GSE1: variants seen among roughly 807,000 people sequenced by gnomAD.
GSE1 encodes Gse1 coiled-coil protein.
GSE1 carries 32 observed loss-of-function variants against 112.6 expected under a neutral mutation model. That is an observed-to-expected ratio of 0.28 (90% CI 0.21 to 0.38). The LOEUF (loss-of-function observed/expected upper bound fraction) is 0.38. Among genes scored for constraint, GSE1 ranks in the 10% least tolerant of loss-of-function variants. The pLI is 1.00. For synonymous variants in GSE1, 1,115 were observed against 735.6 expected, an observed-to-expected ratio of 1.52 and a Z score of -8.35; for missense variants, 2,348 against 1,699.2, an observed-to-expected ratio of 1.38 and a Z score of -6.71.
upstream of GSE1, among the ~76,000 whole-genome samples, chr16:85,609,177 G>A (rs1217693941): frequency 1.3e-5 from 2 of 152,216 alleles, no homozygotes. Context: ...TTTCCTTGCT[G>A]CCTTGAAGTG....
chr16:85,633,800 G>T (rs557891969), intron 1 of GSE1, 114 bp from the exon 2 acceptor site: 1 of 732,468 alleles, frequency 1.4e-6, no homozygotes, highest in South Asian at 1.7e-5. Context: ...TGGAGCCCCC[G>T]GGGCTGCCCC....
chr16:85,667,971 G>GGTCTGTGT (rs1308487796), intron 13 of GSE1, among the ~76,000 whole-genome samples, 169 bp from the exon 14 acceptor site: 1 of 152,182 alleles, frequency 6.6e-6, no homozygotes, highest in African/African-American at 2.4e-5. Flanking sequence ...TTCTCAAGTG[G>GGTCTGTGT]CCCAGAGGCC....
chr16:85,382,098 C>CA (rs1482053485), intron 2 of GSE1, among the ~76,000 whole-genome samples: 1 of 152,214 alleles, frequency 6.6e-6, no homozygotes, highest in African/African-American at 2.4e-5. Context: ...CCGCTGTGAT[C>CA]AATCTTGCGG....
intron 2 of GSE1, among the ~76,000 whole-genome samples, chr16:85,446,746 C>T (rs555602755): frequency 2.4e-4 from 37 of 152,242 alleles, no homozygotes; most frequent in Non-Finnish European, 4.1e-4. Context: ...ATGGTGGAGG[C>T]GGTAGCCTGC....
At position 85,661,360 on chromosome 16, in the gene GSE1, G is replaced by T. The variant is rs775724048; in HGVS notation, c.1855G>T (p.Ala619Ser). Residue 619 changes from alanine (A) to serine (S), a missense_variant, in exon 9 of 16, where the codon GCC becomes TCC. Physicochemically the swap from Ala to Ser is moderately conservative, Grantham distance 99 (BLOSUM62 1). Coordinates refer to ENST00000253458, the MANE Select transcript of GSE1 (RefSeq NM_014615.5). ...PAAFEPSRQA[A>S]VPLVKVERVF... ...TGCATTTGAGCCCAGCCGCCAGGCA[G>T]CCGTGCCGCTGGTGAAGGTGGAGCG... 60 of 1,612,172 alleles carry T rather than the reference G, an allele frequency of 3.7e-5. No homozygotes were observed. Among genetic ancestry groups the T allele is most frequent in the South Asian group, 8.8e-5 (8 of 91,026 alleles).
intron 1 of GSE1, among the ~76,000 whole-genome samples, chr16:85,246,684 C>T (rs949719462): frequency 3.9e-5 from 6 of 152,018 alleles, no homozygotes; most frequent in Non-Finnish European, 7.4e-5. Flanking sequence ...CCCACTCCCA[C>T]CCTCGGAGGC....
At chr16:85,442,734 C>G (rs1219961834) in intron 2 of GSE1, among the ~76,000 whole-genome samples, 1 of 152,244 alleles carries the variant, frequency 6.6e-6, no homozygotes, top group Non-Finnish European at 1.5e-5. Flanking sequence ...TTGACAGCAG[C>G]TGCCCCCTTA....
At chr16:85,240,387 G>A (rs1347157238) in intron 1 of GSE1, among the ~76,000 whole-genome samples, 2 of 152,198 alleles carry the variant, frequency 1.3e-5, no homozygotes, top group Non-Finnish European at 2.9e-5. Flanking sequence ...GGGTAGACCA[G>A]ACCCCCACCA....
chr16:85,624,188 G>T (rs969849414), intron 1 of GSE1, among the ~76,000 whole-genome samples: 42 of 152,166 alleles, frequency 2.8e-4, no homozygotes, highest in African/African-American at 9.9e-4. Context: ...GCCCTGGGGT[G>T]GGGGAGCCAG....
intron 2 of GSE1, among the ~76,000 whole-genome samples, chr16:85,525,257 C>A (rs1004415208): frequency 1.3e-5 from 2 of 152,072 alleles, no homozygotes; most frequent in African/African-American, 2.4e-5. Context: ...TTGTCCCCCC[C>A]CCACTGATGG....
chr16:85,264,653 G>A (rs1349760945), intron 1 of GSE1, among the ~76,000 whole-genome samples: 2 of 152,158 alleles, frequency 1.3e-5, no homozygotes, highest in Non-Finnish European at 1.5e-5. Flanking sequence ...GGACGGCGTC[G>A]GGTGGGCAGT....
At chr16:85,573,302 C>G (rs374137351) in intron 1 of GSE1, among the ~76,000 whole-genome samples, 1 of 152,204 alleles carries the variant, frequency 6.6e-6, no homozygotes, top group Admixed American at 6.5e-5. Flanking sequence ...GTACTTCATT[C>G]CTTTTCATAG....
chr16:85,414,550 GT>G (rs1318526732), intron 2 of GSE1, among the ~76,000 whole-genome samples: 1 of 152,240 alleles, frequency 6.6e-6, no homozygotes, highest in Non-Finnish European at 1.5e-5. Flanking sequence ...AAACACAGGT[GT>G]CAGGGCTTGT....
intron 2 of GSE1, among the ~76,000 whole-genome samples, chr16:85,393,070 C>T (rs927516674): frequency 6.6e-6 from 1 of 152,218 alleles, no homozygotes; most frequent in Admixed American, 6.5e-5. Context: ...GCAGGGCCTG[C>T]AGTCGTTGCT....
rs1171289107 is a variant in GSE1 at position 85,674,471 on chromosome 16, C to G, written c.*1932C>G. 6.6e-6 allele frequency: 1 copy of G among 152,216 alleles called. No homozygotes were observed. Among genetic ancestry groups the G allele is most frequent in the Non-Finnish European group, 1.5e-5 (1 of 68,060 alleles). 9.4% of individuals were successfully genotyped at this position (152,216 alleles called of 1,614,324 possible). Reference sequence around the variant, plus strand: ...GAGGTCAGCATGTTCCACAGGTGTTCAGAGGGAGTCTGCTACAAACTATCA... The same window carrying G: ...GAGGTCAGCATGTTCCACAGGTGTTGAGAGGGAGTCTGCTACAAACTATCA... On this transcript the variant is annotated 3_prime_UTR_variant, in exon 16 of 16. Transcript: ENST00000253458.
chr16:85,452,061 A>G (rs73263139), intron 2 of GSE1, among the ~76,000 whole-genome samples: 4,435 of 152,038 alleles, frequency 0.029, 229 homozygotes, highest in African/African-American at 0.1. Context: ...GTGTCAGGTT[A>G]GACCATGGCT....
At chr16:85,616,893 T>C (rs1360691570) in intron 1 of GSE1, among the ~76,000 whole-genome samples, 1 of 151,916 alleles carries the variant, frequency 6.6e-6, no homozygotes, top group Non-Finnish European at 1.5e-5. Context: ...TGCTGGGAGG[T>C]GTACAGACAG....
chr16:85,223,689 C>G (rs1376590701), intron 1 of GSE1, among the ~76,000 whole-genome samples: 1 of 151,872 alleles, frequency 6.6e-6, no homozygotes, highest in Non-Finnish European at 1.5e-5. Flanking sequence ...ACTGCAGCCC[C>G]TGCCTCCCGG....
At chr16:85,608,074 G>C (rs1406947842), upstream of GSE1, among the ~76,000 whole-genome samples, 2 of 152,200 alleles carry the variant, frequency 1.3e-5, no homozygotes, top group Admixed American at 6.5e-5. Context: ...ATGAATTCCA[G>C]AGGCAGGGAT....
Sources: allele counts gnomAD v4.1 joint callset (sites outside exome capture counted in the v4.1 genomes callset), GRCh38; gene constraint gnomAD v4.1.1; transcripts MANE v1.5; gene names NCBI Gene and HGNC (gene_info 2026-07-23, HGNC 2026-07-21).